Variants in CIC observed in about 807,000 individuals in gnomAD.
CIC encodes capicua transcriptional repressor.
In CIC, 18 loss-of-function variants were observed where a neutral mutation model predicts 115.7. The ratio of observed to expected loss-of-function variants is 0.16; its 90% CI spans 0.11 to 0.23. The LOEUF (loss-of-function observed/expected upper bound fraction) is 0.23, where lower values mean the gene tolerates loss of function less well. Ranked by LOEUF, CIC falls within the 10% of genes least tolerant of loss-of-function variation. The probability of loss-of-function intolerance (pLI) is 1.00; values close to 1 mark genes in which losing one functional copy is unlikely to be tolerated. For synonymous variants in CIC, 1,076 were observed against 923.0 expected (o/e 1.17, Z -3.01); for missense variants, 2,000 against 2,159.3 (o/e 0.93, Z 1.46).
Position 42,289,426 on chromosome 19 carries a change from G to T in CIC, c.4087+20G>T. 6.4e-7 allele frequency: 1 copy of T among 1,557,956 alleles called. No individual in the cohort carries two copies. The highest frequency in any genetic ancestry group is 1.2e-5 in the South Asian group (1 of 85,486). On this transcript the variant is annotated intron_variant, in intron 9 of 20. Transcript: ENST00000681038. ...TCATTGGTGAGCATTGCAGGGCCCA[G>T]AATCTTGCCCAGGACCCAGCAGGCC...
Position 42,294,052 on chromosome 19 carries a change from C to T in CIC, c.6885C>T (p.Ile2295=), listed in dbSNP as rs892237156. Residue 2295 remains isoleucine, a synonymous_variant, in exon 18 of 21, where the codon ATC becomes ATT. Coordinates refer to ENST00000681038, the MANE Select transcript of CIC (RefSeq NM_001386298.1). ...CTCTGGCCACCTCACCCCGGGCCATCCTGGGCTCTTACCGCAAGAAGAGGA... is the reference window on the plus strand; with the variant it reads ...CTCTGGCCACCTCACCCCGGGCCATTCTGGGCTCTTACCGCAAGAAGAGGA... ...LQSLATSPRA[I]LGSYRKKRKN... 3.1e-6 allele frequency: 5 copies of T among 1,613,608 alleles called. No individual in the cohort carries two copies. Among genetic ancestry groups the T allele is most frequent in the African/African-American group, 1.3e-5 (1 of 75,028 alleles).
chr19:42,273,979 T>C lies in CIC; in HGVS notation c.2196T>C (p.Gly732=). 1 of 398,252 alleles carries C rather than the reference T, an allele frequency of 2.5e-6. No homozygotes were observed. The highest frequency in any genetic ancestry group is 4.4e-6 in the Non-Finnish European group (1 of 226,176). 24.7% of individuals were successfully genotyped at this position (398,252 alleles called of 1,614,324 possible). ...CCTTGGGGGCCCCTGGCGCAGGGGGTGGAGGAGCCGCCCCAGACTTTCCCA... is the reference window on the plus strand; with the variant it reads ...CCTTGGGGGCCCCTGGCGCAGGGGGCGGAGGAGCCGCCCCAGACTTTCCCA... ...PGALGAPGAG[G]GGAAPDFPKS... The change falls in exon 2 of 21, where the codon GGT becomes GGC. Residue 732 remains glycine, a synonymous_variant. Transcript: ENST00000681038.
Position 42,290,025 on chromosome 19 carries a change from T to C in CIC, c.4191+74T>C, listed in dbSNP as rs1336463401. ...ATGGGAATGTCTGTTTCTCCCGGGC[T>C]TGAGAGAGGGGGAGATTAAGGTCCA... On this transcript the variant is annotated intron_variant, in intron 10 of 20. Coordinates refer to ENST00000681038, the MANE Select transcript of CIC (RefSeq NM_001386298.1). The C allele has an allele frequency of 5.5e-6, 8 of 1,451,696 alleles. No homozygotes were observed. The East Asian group carries it at 1.8e-4, about 34-fold the overall frequency. The allele number at this position is 1,451,696 out of a possible 1,614,324, so 89.9% of individuals were successfully genotyped here.
At chr19:42,284,889 A>G in intron 2 of CIC, 1 of 947,408 alleles carries the variant, frequency 1.1e-6, no homozygotes, top group African/African-American at 1.6e-5. Flanking sequence ...TAAAGGGATG[A>G]CGGGGAAAGT....
Position 42,295,143 on chromosome 19 carries a change from G to GGGGGGCCCCCCCCCCCCCC in CIC, c.7506_7507insGGGGGCCCCCCCCCCCCCC (p.Pro2503GlyfsTer26). 5.8e-6 allele frequency: 8 copies of GGGGGGCCCCCCCCCCCCCC among 1,382,688 alleles called. No homozygotes were observed. Among genetic ancestry groups the GGGGGGCCCCCCCCCCCCCC allele is most frequent in the Non-Finnish European group, 7.7e-6 (8 of 1,037,788 alleles). The allele number at this position is 1,382,688 out of a possible 1,614,324, so 85.7% of individuals were successfully genotyped here. ...AGCCTGGCTGGGAGGGGGCTCCCCA[G>GGGGGGCCCCCCCCCCCCCC]CCCTCCCCCCCACCCCCAGGTCCCT... is the stretch of plus-strand genomic sequence containing the variant. On this transcript the variant is annotated frameshift_variant, in exon 21 of 21. Transcript: ENST00000681038. LOFTEE classifies it high-confidence loss of function.
chr19:42,276,684 T>G (rs1315936860), intron 2 of CIC, among the ~76,000 whole-genome samples: 2 of 152,174 alleles, frequency 1.3e-5, no homozygotes, highest in Non-Finnish European at 2.9e-5. Flanking sequence ...CAAGCAAAAT[T>G]TCACAGCAGG....
chr19:42,284,907 C>T, intron 2 of CIC: 1 of 815,838 alleles, frequency 1.2e-6, no homozygotes, highest in Non-Finnish European at 2.0e-6. Flanking sequence ...AGTTACGGAG[C>T]TCGGCCGGGC....
chr19:42,295,162 G>T lies in CIC; in HGVS notation c.7525G>T (p.Gly2509Cys). The change falls in exon 21 of 21, where the codon GGT (glycine) becomes TGT (cysteine). Residue 2509 changes from glycine to cysteine, a missense_variant. Around this residue, in one of 8 missense-constraint regions of CIC, gnomAD observed 133 missense variants for 116.0 expected, o/e 1.15. Coordinates refer to ENST00000681038, the MANE Select transcript of CIC (RefSeq NM_001386298.1). ...GAPQPSPPPPGPSTAATGR is the reference protein window; with the variant it reads ...GAPQPSPPPPCPSTAATGR ...TCCCCAGCCCTCCCCCCCACCCCCA[G>T]GTCCCTCCACAGCTGCCACAGGCAG... 4.6e-6 allele frequency: 2 copies of T among 435,232 alleles called. No homozygotes were observed. The highest frequency in any genetic ancestry group is 7.9e-6 in the Non-Finnish European group (2 of 254,450). 27.0% of individuals were successfully genotyped at this position (435,232 alleles called of 1,614,324 possible). A position where few individuals can be genotyped will look rare whatever the true frequency, so the allele number is the denominator to read the frequency against.
chr19:42,292,526 C>T (rs1408152467), intron 14 of CIC, 40 bp from the exon 15 acceptor site: 4 of 1,611,914 alleles, frequency 2.5e-6, no homozygotes, highest in Non-Finnish European at 2.5e-6. Context: ...GCAGTCCGGG[C>T]CCTAACTTGG....
At position 42,270,842 on chromosome 19, in the gene CIC, CGTGT is replaced by C. The variant is rs139464803; in HGVS notation, c.-10-923_-10-920del. 1.8e-3 allele frequency among the ~76,000 whole-genome samples: 268 copies of C among 152,146 alleles called. 1 individual carries two copies. Among genetic ancestry groups the C allele is most frequent in the Admixed American group, 2.7e-3 (42 of 15,296 alleles). On this transcript the variant is annotated intron_variant, in intron 1 of 20. Coordinates refer to ENST00000681038, the MANE Select transcript of CIC (RefSeq NM_001386298.1). This position sits in a 1 kb window ranked among gnomAD's most constrained non-coding sequence, Gnocchi z 4.1. ...GTGATGACGTGTGCGTGCTTCTGTGCGTGTGTGTGTGTTTGTGCGCGTGCGTGTG... is the reference window on the plus strand; with the variant it reads ...GTGATGACGTGTGCGTGCTTCTGTGCGTGTGTGTTTGTGCGCGTGCGTGTG...
chr19:42,289,858 C>G lies in CIC; in HGVS notation c.4098C>G (p.Gly1366=), dbSNP rs1455463942. 6.2e-7 allele frequency: 1 copy of G among 1,603,134 alleles called. No individual in the cohort carries two copies. Among genetic ancestry groups the G allele is most frequent in the Non-Finnish European group, 8.5e-7 (1 of 1,175,062 alleles). The change falls in exon 10 of 21, where the codon GGC becomes GGG. Residue 1366 remains glycine, a synonymous_variant. Coordinates refer to ENST00000681038, the MANE Select transcript of CIC (RefSeq NM_001386298.1). ...CCTCCACTCCCTCAGCTGACGATGGCTTCGGCACCACTGACATTGATCTCA... is the reference window on the plus strand; with the variant it reads ...CCTCCACTCCCTCAGCTGACGATGGGTTCGGCACCACTGACATTGATCTCA... ...EGDDDVIADD[G]FGTTDIDLKC...
At chr19:42,279,549 T>C (rs942414326) in intron 2 of CIC, among the ~76,000 whole-genome samples, 4 of 152,232 alleles carry the variant, frequency 2.6e-5, no homozygotes, top group Admixed American at 6.5e-5. Context: ...AACAGCTGCA[T>C]GAGCAAAGAC....
At position 42,270,484 on chromosome 19, in the gene CIC, T is replaced by G. The variant is rs1437617460; in HGVS notation, c.-11+1103T>G. Among the ~76,000 whole-genome samples the G allele has an allele frequency of 2.0e-5, 3 of 152,244 alleles. No individual in the cohort carries two copies. The highest frequency in any genetic ancestry group is 4.4e-5 in the Non-Finnish European group (3 of 68,048). On this transcript the variant is annotated intron_variant, in intron 1 of 20. Transcript: ENST00000681038. This position sits in a 1 kb window ranked among gnomAD's most constrained non-coding sequence, Gnocchi z 4.1. ...TCTTAGTCACTTCAGAGTAAAGTTT[T>G]TTCCCCTTTTCTTTTCTCAGGGCAG...
Position 42,294,163 on chromosome 19 carries a change from G to A in CIC, c.6923-10G>A. Reference sequence around the variant, plus strand: ...GGCCACCTGCACTGAGTCTGCTTCTGTTTGGCCAGACCTGGATTCAGCACC... The same window carrying A: ...GGCCACCTGCACTGAGTCTGCTTCTATTTGGCCAGACCTGGATTCAGCACC... On this transcript the variant is annotated splice_polypyrimidine_tract_variant and intron_variant, in intron 18 of 20. Coordinates refer to ENST00000681038, the MANE Select transcript of CIC (RefSeq NM_001386298.1). 6.2e-7 allele frequency: 1 copy of A among 1,613,908 alleles called. No individual in the cohort carries two copies. The highest frequency in any genetic ancestry group is 1.3e-5 in the African/African-American group (1 of 75,052).
intron 2 of CIC, among the ~76,000 whole-genome samples, chr19:42,283,594 G>A (rs2037367468): frequency 6.6e-6 from 1 of 152,160 alleles, no homozygotes; most frequent in South Asian, 2.1e-4. Context: ...GGCTCAGGAT[G>A]CCTCGCCCAG....
chr19:42,287,842 T>C lies in CIC; in HGVS notation c.3525T>C (p.Asp1175=), dbSNP rs73033426. Residue 1175 remains aspartate, a synonymous_variant, in exon 7 of 21, where the codon GAT becomes GAC. Coordinates refer to ENST00000681038, the MANE Select transcript of CIC (RefSeq NM_001386298.1). This position sits in a 1 kb window ranked among gnomAD's most constrained non-coding sequence, Gnocchi z 8.7. ...VKEAHFKAHP[D]WKWCNKDRKK... is the part of the protein sequence containing the mutation. ...AGGCCCACTTCAAGGCCCACCCAGA[T>C]TGGAAGTGGTGCAACAAGGACCGAA... The C allele has an allele frequency of 0.013, 20,707 of 1,613,592 alleles. 185 individuals are homozygous for C. The highest frequency in any genetic ancestry group is 0.015 in the Non-Finnish European group (17,216 of 1,179,756).
In CIC at chr19:42,280,501, C is replaced by A. The variant is rs1412460646; in HGVS notation, c.2794+5924C>A. On this transcript the variant is annotated intron_variant, in intron 2 of 20. Transcript: ENST00000681038. The surrounding 1 kb of genome is among the most constrained non-coding windows in gnomAD (Gnocchi z 4.9). ...GTCCTTCTCATTGGCTGCCGTCTCG[C>A]CCGCTGACCGCTGATTGGCCGAGAC... 6.6e-6 allele frequency among the ~76,000 whole-genome samples: 1 copy of A among 152,190 alleles called. No homozygotes were observed. The highest frequency in any genetic ancestry group is 1.5e-5 in the Non-Finnish European group (1 of 68,008).
chr19:42,294,426 G>C, intron 19 of CIC, 122 bp downstream of exon 19: 1 of 1,560,580 alleles, frequency 6.4e-7, no homozygotes, highest in Non-Finnish European at 8.7e-7. Flanking sequence ...AGCACAGCCT[G>C]TCAGTGGTGG....
chr19:42,295,425 C>G lies in CIC; in HGVS notation c.*234C>G, dbSNP rs1237411225. 8 of 533,664 alleles carry G rather than the reference C, an allele frequency of 1.5e-5. No individual in the cohort carries two copies. The East Asian group carries it at 2.6e-4, about 17-fold the overall frequency. 33.1% of individuals were successfully genotyped at this position (533,664 alleles called of 1,614,324 possible). The stretch of plus-strand genomic sequence containing the variant: ...CCCTCCTCCAAGCCCCTGTACATAA[C>G]CTGGAGCGTGTGACCTTCAGAGCTT... On this transcript the variant is annotated 3_prime_UTR_variant, in exon 21 of 21. Transcript: ENST00000681038.
Sources: allele counts gnomAD v4.1 joint callset (sites outside exome capture counted in the v4.1 genomes callset), GRCh38; gene constraint gnomAD v4.1.1; regional missense constraint gnomAD v4.1.1; non-coding constraint Gnocchi (gnomAD v3.1); transcripts MANE v1.5; gene names NCBI Gene and HGNC (gene_info 2026-07-23, HGNC 2026-07-21).